The following VCAM1 variants were observed in gnomAD, a reference collection of about 807,000 sequenced individuals.
The protein encoded by VCAM1 is vascular cell adhesion molecule 1.
VCAM1 carries 41 observed loss-of-function variants against 63.8 expected under a neutral mutation model. That is an observed-to-expected ratio of 0.64 (90% CI 0.50 to 0.83). The LOEUF is 0.83. Among genes scored for constraint, VCAM1 ranks in the 40% least tolerant of loss-of-function variants. The pLI is 0.00. For synonymous variants in VCAM1, 338 were observed against 320.7 expected (o/e 1.05, Z -0.58); for missense variants, 798 against 875.5 (o/e 0.91, Z 1.12).
intron 1 of VCAM1, among the ~76,000 whole-genome samples, 185 bp from the exon 2 acceptor site, chr1:100,720,291 T>C (rs1364494138): frequency 6.6e-6 from 1 of 152,134 alleles, no homozygotes; most frequent in Admixed American, 6.6e-5. Flanking sequence ...TTCTCTCTAC[T>C]GAAGATGATT....
At chr1:100,729,499 G>C (rs769327249) in intron 5 of VCAM1, 117 bp downstream of exon 5, 462 of 1,283,080 alleles carry the variant, frequency 3.6e-4, no homozygotes, top group Non-Finnish European at 4.6e-4. Context: ...ATTTAGCCTT[G>C]TGAATTTTGT....
chr1:100,725,141 A>C (rs1272102584), intron 4 of VCAM1, among the ~76,000 whole-genome samples: 1 of 150,636 alleles, frequency 6.6e-6, no homozygotes, highest in Admixed American at 6.6e-5. Flanking sequence ...TCATTCCCTC[A>C]CTTTCTCTCT....
rs148968921 is a variant in VCAM1 at position 100,734,569 on chromosome 1, C to A, written c.1860C>A (p.Ile620=). 292 of 1,613,734 alleles carry A rather than the reference C, an allele frequency of 1.8e-4. No homozygotes were observed. The highest frequency in any genetic ancestry group is 2.3e-4 in the Non-Finnish European group (274 of 1,179,876). ...SESVKEGDTV[I]ISCTCGNVPE... Reference sequence around the variant, plus strand: ...GTGTCAAAGAAGGAGACACTGTCATCATCTCTTGTACATGTGGAAATGTTC... The same window carrying A: ...GTGTCAAAGAAGGAGACACTGTCATAATCTCTTGTACATGTGGAAATGTTC... The change falls in exon 8 of 9, where the codon ATC becomes ATA. Residue 620 remains isoleucine, a synonymous_variant. Transcript: ENST00000294728.
Position 100,732,448 on chromosome 1 carries a change from G to A in VCAM1, c.1556G>A (p.Ser519Asn). 6.3e-7 allele frequency: 1 copy of A among 1,593,100 alleles called. No homozygotes were observed. ...VAPRDTTVLVSPSSILEEGSS... is the reference protein window; with the variant it reads ...VAPRDTTVLVNPSSILEEGSS... ...CCCAGAGATACAACCGTCTTGGTCA[G>A]CCCTTCCTCCATCCTGGAGGAAGGC... Residue 519 changes from serine (S) to asparagine (N), a missense_variant, in exon 7 of 9, where the codon AGC (serine) becomes AAC (asparagine). Transcript: ENST00000294728.
intron 8 of VCAM1, chr1:100,736,274 C>T (rs1231993978): frequency 1.3e-5 from 2 of 152,026 alleles, no homozygotes; most frequent in Non-Finnish European, 2.9e-5. Flanking sequence ...CAGCTAGAAA[C>T]TCATGCCCCC....
chr1:100,727,724 C>T (rs999693993), intron 4 of VCAM1, among the ~76,000 whole-genome samples: 3 of 152,116 alleles, frequency 2.0e-5, no homozygotes, highest in African/African-American at 2.4e-5. Flanking sequence ...GACAGGCAGT[C>T]GATCTGTTTT....
chr1:100,728,183 A>G (rs1282824446), intron 4 of VCAM1, among the ~76,000 whole-genome samples: 1 of 152,064 alleles, frequency 6.6e-6, no homozygotes, highest in African/African-American at 2.4e-5. Flanking sequence ...ATTCCTGGAT[A>G]TTTGAGTCTT....
intron 4 of VCAM1, among the ~76,000 whole-genome samples, chr1:100,727,718 G>A (rs1660222847): frequency 6.6e-6 from 1 of 152,088 alleles, no homozygotes; most frequent in Non-Finnish European, 1.5e-5. Context: ...TTCACAGACA[G>A]GCAGTCGATC....
At position 100,732,543 on chromosome 1, in the gene VCAM1, C is replaced by T; in HGVS notation, c.1651C>T (p.Pro551Ser). 2 of 1,613,138 alleles carry T rather than the reference C, an allele frequency of 1.2e-6. No individual in the cohort carries two copies. Among genetic ancestry groups the T allele is most frequent in the Non-Finnish European group, 1.7e-6 (2 of 1,179,660 alleles). The change falls in exon 7 of 9, where the codon CCT (proline) becomes TCT (serine). Residue 551 changes from proline (P) to serine (S), a missense_variant. Pro to Ser is a moderately conservative substitution (Grantham distance 74). Coordinates refer to ENST00000294728, the MANE Select transcript of VCAM1 (RefSeq NM_001078.4). ...GAAAATCCTGTGGAGCAGGCAGCTC[C>T]CTAACGGGGAGCTACAGCCTCTTTC... ...APKILWSRQL[P>S]NGELQPLSEN... is the part of the protein sequence containing the mutation.
chr1:100,732,661 A>C lies in VCAM1; in HGVS notation c.1769A>C (p.Lys590Thr). ...ATTAACCAGGCTGGAAGAAGCAGAA[A>C]GGAAGTGGAATTAATTATCCAAGGT... ...EGINQAGRSR[K>T]EVELIIQVTP... is the part of the protein sequence containing the mutation. Residue 590 changes from lysine (K) to threonine (T), a missense_variant, in exon 7 of 9, where the codon AAG (lysine) becomes ACG (threonine). Transcript: ENST00000294728. The C allele has an allele frequency of 6.2e-7, 1 of 1,600,950 alleles. No homozygotes were observed. The highest frequency in any genetic ancestry group is 8.5e-7 in the Non-Finnish European group (1 of 1,175,268).
intron 7 of VCAM1, among the ~76,000 whole-genome samples, chr1:100,734,136 C>T (rs559694714): frequency 1.3e-5 from 2 of 152,174 alleles, no homozygotes; most frequent in African/African-American, 2.4e-5. Context: ...ATGGGGGAAA[C>T]AGCCCCCATG....
At chr1:100,723,407 C>A (rs72732161) in intron 3 of VCAM1, 67 bp downstream of exon 3, 42 of 1,451,560 alleles carry the variant, frequency 2.9e-5, no homozygotes, top group Non-Finnish European at 3.8e-5. Context: ...TAGCAATAAA[C>A]TTAGCAGAAA....
chr1:100,724,078 A>G (rs965017039), intron 3 of VCAM1, among the ~76,000 whole-genome samples: 7 of 152,118 alleles, frequency 4.6e-5, no homozygotes, highest in African/African-American at 1.4e-4. Flanking sequence ...AAGAGAAAAC[A>G]AAACCTGGCT....
chr1:100,736,543 A>G (rs1339932436), intron 8 of VCAM1: 1 of 152,176 alleles, frequency 6.6e-6, no homozygotes, highest in Non-Finnish European at 1.5e-5. Context: ...TTTTCTGCCA[A>G]TGCCTGTGGG....
chr1:100,725,582 T>C (rs964016093), intron 4 of VCAM1, among the ~76,000 whole-genome samples: 1 of 152,050 alleles, frequency 6.6e-6, no homozygotes, highest in Non-Finnish European at 1.5e-5. Context: ...TTCTGTATTC[T>C]GCTTTATATA....
intron 8 of VCAM1, chr1:100,735,859 C>T (rs886445815): frequency 6.6e-6 from 1 of 152,148 alleles, no homozygotes; most frequent in Non-Finnish European, 1.5e-5. Context: ...AATGAAGTTA[C>T]TATGTGTTCA....
At chr1:100,727,043 CTGTGTGTGTGTGTG>C (rs57979614) in intron 4 of VCAM1, among the ~76,000 whole-genome samples, 6 of 147,702 alleles carry the variant, frequency 4.1e-5, no homozygotes, top group Admixed American at 1.3e-4. Context: ...ATCAGGAATT[CTGTGTGTGTGTGTG>C]TGTGTGTGTG....
At chr1:100,724,332 C>A (rs1019513850) in intron 3 of VCAM1, among the ~76,000 whole-genome samples, 9 of 151,976 alleles carry the variant, frequency 5.9e-5, no homozygotes, top group African/African-American at 2.2e-4. Flanking sequence ...GGGCACTTGG[C>A]AAGAATGCTT....
rs1660735703 is a variant in VCAM1, at chr1:100,738,365, A to G, written c.*82A>G. The G allele has an allele frequency of 4.8e-6, 7 of 1,449,324 alleles. No homozygotes were observed. The highest frequency in any genetic ancestry group is 2.3e-5 in the East Asian group (1 of 42,848). The allele number at this position is 1,449,324 out of a possible 1,614,324, so 89.8% of individuals were successfully genotyped here. A position where few individuals can be genotyped will look rare whatever the true frequency, so the allele number is the denominator to read the frequency against. ...TGCTCATCATTCCTTGAGAAAAACAATGAGCTGAGAGGCAGACTTCCCTGA... is the reference window on the plus strand; with the variant it reads ...TGCTCATCATTCCTTGAGAAAAACAGTGAGCTGAGAGGCAGACTTCCCTGA... On this transcript the variant is annotated 3_prime_UTR_variant, in exon 9 of 9. Coordinates refer to ENST00000294728, the MANE Select transcript of VCAM1 (RefSeq NM_001078.4).
Sources: allele counts gnomAD v4.1 joint callset (sites outside exome capture counted in the v4.1 genomes callset), GRCh38; gene constraint gnomAD v4.1.1; transcripts MANE v1.5; gene names NCBI Gene and HGNC (gene_info 2026-07-23, HGNC 2026-07-21).